Variants in SLC44A5 observed in about 807,000 individuals in gnomAD.
SLC44A5 encodes the protein choline transporter-like protein 5.
A neutral mutation model predicts 101.8 loss-of-function variants in SLC44A5; 57 were observed. The ratio of observed to expected loss-of-function variants is 0.56; its 90% CI spans 0.45 to 0.70. The LOEUF (loss-of-function observed/expected upper bound fraction) is 0.70. Among genes scored for constraint, SLC44A5 ranks in the 30% least tolerant of loss-of-function variants. The pLI, the probability that SLC44A5 is intolerant of heterozygous loss-of-function variation, is 0.00. For missense variants in SLC44A5, 737 were observed against 853.1 expected (o/e 0.86, Z 1.70); for synonymous variants, 281 against 290.9 (o/e 0.97, Z 0.35).
At chr1:75,606,367 A>C (rs1675326188) in intron 1 of SLC44A5, among the ~76,000 whole-genome samples, 1 of 151,992 alleles carries the variant, frequency 6.6e-6, no homozygotes, top group African/African-American at 2.4e-5. Flanking sequence ...TTCTACATTA[A>C]TTCATCTTAC....
chr1:75,681,951 C>T, the SLC44A5 span, among the ~76,000 whole-genome samples: 14 of 152,128 alleles, frequency 9.2e-5, no homozygotes, highest in East Asian at 1.9e-4. Context: ...ACAAGCATTC[C>T]TATACACCAA....
intron 6 of SLC44A5, among the ~76,000 whole-genome samples, chr1:75,271,951 C>T (rs977234087): frequency 6.6e-6 from 1 of 152,050 alleles, no homozygotes; most frequent in African/African-American, 2.4e-5. Flanking sequence ...AAAATGTTCC[C>T]TTTTCACCAC....
At chr1:75,408,807 T>C (rs1156539028) in intron 2 of SLC44A5, among the ~76,000 whole-genome samples, 3 of 152,162 alleles carry the variant, frequency 2.0e-5, no homozygotes, top group Non-Finnish European at 4.4e-5. Flanking sequence ...TGTATACCTA[T>C]GTAACAAACC....
intron 2 of SLC44A5, among the ~76,000 whole-genome samples, chr1:75,540,601 A>G (rs1392741991): frequency 6.6e-6 from 1 of 152,000 alleles, no homozygotes; most frequent in African/African-American, 2.4e-5. Context: ...ATTTTTAATA[A>G]CTCTTAATCT....
chr1:75,533,034 A>T (rs1336857000), intron 2 of SLC44A5, among the ~76,000 whole-genome samples: 2 of 152,200 alleles, frequency 1.3e-5, no homozygotes, highest in African/African-American at 4.8e-5. Flanking sequence ...CTTATGTCCC[A>T]TTCCATGCTC....
intron 2 of SLC44A5, among the ~76,000 whole-genome samples, chr1:75,498,829 T>C (rs936607076): frequency 5.3e-5 from 8 of 152,218 alleles, no homozygotes. Flanking sequence ...ATGATAGAAT[T>C]GTATGCAATA....
intron 10 of SLC44A5, among the ~76,000 whole-genome samples, chr1:75,238,301 T>G (rs1380337889): frequency 6.7e-6 from 1 of 149,864 alleles, no homozygotes; most frequent in Non-Finnish European, 1.5e-5. Context: ...CATTATTCTT[T>G]CTAAATGATT....
chr1:75,502,111 G>A (rs1215662392), intron 2 of SLC44A5, among the ~76,000 whole-genome samples: 1 of 152,140 alleles, frequency 6.6e-6, no homozygotes. Context: ...CAATAGTTTT[G>A]TTAACAAAAG....
the SLC44A5 span, among the ~76,000 whole-genome samples, chr1:75,715,283 T>TA: frequency 2.6e-5 from 4 of 152,140 alleles, no homozygotes; most frequent in Admixed American, 6.6e-5. Context: ...TCACAGAGTT[T>TA]AAAAAAACAA....
chr1:75,285,098 T>C (rs555380465), intron 5 of SLC44A5, among the ~76,000 whole-genome samples: 1 of 152,218 alleles, frequency 6.6e-6, no homozygotes, highest in Admixed American at 6.5e-5. Context: ...TTTCTTTGAA[T>C]GTCTGATAGA....
the SLC44A5 span, among the ~76,000 whole-genome samples, chr1:75,626,641 A>G: frequency 2.0e-5 from 3 of 151,950 alleles, no homozygotes; most frequent in East Asian, 1.9e-4. Flanking sequence ...CCAAATCTTT[A>G]TTGCTTCCCT....
At chr1:75,224,344 T>G (rs563191493) in intron 13 of SLC44A5, among the ~76,000 whole-genome samples, 2 of 152,328 alleles carry the variant, frequency 1.3e-5, no homozygotes, top group Non-Finnish European at 2.9e-5. Context: ...TAATTTTTGT[T>G]ATTTCAGAGT....
At chr1:75,477,264 C>T (rs1667479781) in intron 2 of SLC44A5, among the ~76,000 whole-genome samples, 1 of 152,174 alleles carries the variant, frequency 6.6e-6, no homozygotes, top group African/African-American at 2.4e-5. Context: ...ACATTACCAT[C>T]ATCAAAGACT....
the SLC44A5 span, among the ~76,000 whole-genome samples, chr1:75,640,325 A>G: frequency 1.3e-5 from 2 of 152,030 alleles, no homozygotes; most frequent in Admixed American, 6.6e-5. Flanking sequence ...GCTTCTTCAC[A>G]TGGTGGCAGA....
At chr1:75,717,828 T>C in the SLC44A5 span, among the ~76,000 whole-genome samples, 2 of 152,166 alleles carry the variant, frequency 1.3e-5, no homozygotes, top group African/African-American at 2.4e-5. Flanking sequence ...CCCCTGCTGG[T>C]CCCTCAACAT....
rs180677869 is a variant in SLC44A5 at position 75,222,318 on chromosome 1, T to C, written c.1085+43A>G. The C allele has an allele frequency of 8.7e-5, 122 of 1,401,914 alleles. No homozygotes were observed. The African/African-American group carries it at 1.6e-3, about 19-fold the overall frequency. The allele number at this position is 1,401,914 out of a possible 1,614,324, so 86.8% of individuals were successfully genotyped here. A position where few individuals can be genotyped will look rare whatever the true frequency, so the allele number is the denominator to read the frequency against. On this transcript the variant is annotated intron_variant, in intron 14 of 23. Coordinates refer to ENST00000370859, the MANE Select transcript of SLC44A5 (RefSeq NM_001130058.2). ...TGCAAGGGACAGTGACTGATTTTAC[T>C]GACTGATACACTTTAGCTGAGTTTC...
intron 9 of SLC44A5, among the ~76,000 whole-genome samples, chr1:75,240,202 T>C (rs1265390526): frequency 1.3e-5 from 2 of 152,112 alleles, no homozygotes; most frequent in Non-Finnish European, 2.9e-5. Context: ...TCTTCTACAG[T>C]AAATATTTTT....
intron 2 of SLC44A5, among the ~76,000 whole-genome samples, chr1:75,416,291 G>A (rs975292804): frequency 2.0e-5 from 3 of 150,346 alleles, no homozygotes; most frequent in Non-Finnish European, 4.4e-5. Context: ...TCAGACTGTG[G>A]CTTCAGAGGA....
chr1:75,221,342 A>G (rs1399466527), intron 14 of SLC44A5, among the ~76,000 whole-genome samples: 1 of 152,216 alleles, frequency 6.6e-6, no homozygotes, highest in Admixed American at 6.5e-5. Context: ...TTTCCCGGTT[A>G]CTTCCATGCG....
Sources: allele counts gnomAD v4.1 joint callset (sites outside exome capture counted in the v4.1 genomes callset), GRCh38; gene constraint gnomAD v4.1.1; transcripts MANE v1.5; gene names NCBI Gene and HGNC (gene_info 2026-07-23, HGNC 2026-07-21).